Variants in PHKB observed in about 807,000 individuals in gnomAD.
The protein encoded by PHKB is phosphorylase kinase regulatory subunit beta.
A neutral mutation model predicts 152.1 loss-of-function variants in PHKB; 122 were observed. The ratio of observed to expected loss-of-function variants is 0.80; its 90% CI spans 0.69 to 0.93. The LOEUF is 0.93. PHKB is among the 40% of genes least tolerant of loss of function. The pLI is 0.00. For missense variants in PHKB, 1,304 were observed against 1,328.4 expected (o/e 0.98, Z 0.29); for synonymous variants, 436 against 464.9 (o/e 0.94, Z 0.80).
intron 14 of PHKB, among the ~76,000 whole-genome samples, chr16:47,624,658 C>T (rs115717109): frequency 6.2e-4 from 94 of 152,228 alleles, no homozygotes; most frequent in African/African-American, 2.0e-3. Flanking sequence ...ATATTTTGTA[C>T]CTTTCTCTCT....
intron 14 of PHKB, among the ~76,000 whole-genome samples, chr16:47,630,039 AG>A (rs1352644936): frequency 2.4e-5 from 2 of 84,464 alleles, no homozygotes; most frequent in South Asian, 3.8e-4. Context: ...TCGGGGGAGG[AG>A]GGGGGGATGG....
chr16:47,622,067 A>T (rs1386279643), intron 14 of PHKB, among the ~76,000 whole-genome samples: 1 of 152,178 alleles, frequency 6.6e-6, no homozygotes, highest in Non-Finnish European at 1.5e-5. Flanking sequence ...TCATGGCTAA[A>T]ATGTAAAAGA....
chr16:47,555,873 C>A (rs1322589072), intron 7 of PHKB, among the ~76,000 whole-genome samples: 2 of 152,142 alleles, frequency 1.3e-5, no homozygotes, highest in Non-Finnish European at 2.9e-5. Context: ...GGCAGTATGG[C>A]CATTTTCACG....
intron 1 of PHKB, among the ~76,000 whole-genome samples, chr16:47,488,453 A>G (rs1173927596): frequency 6.6e-6 from 1 of 152,142 alleles, no homozygotes; most frequent in Non-Finnish European, 1.5e-5. Context: ...ATTAGGTTCC[A>G]ATTGTCAATT....
intron 6 of PHKB, among the ~76,000 whole-genome samples, chr16:47,545,029 A>G (rs1430306729): frequency 1.3e-5 from 2 of 152,030 alleles, no homozygotes; most frequent in Non-Finnish European, 2.9e-5. Context: ...CATACTGATG[A>G]GTCTTGACTC....
intron 26 of PHKB, among the ~76,000 whole-genome samples, chr16:47,678,399 G>A (rs1233783690): frequency 1.3e-5 from 2 of 152,150 alleles, no homozygotes; most frequent in African/African-American, 2.4e-5. Flanking sequence ...GTGTAAAAGT[G>A]TTCCTCTTTC....
chr16:47,493,773 T>TC (rs1014133218), intron 1 of PHKB, among the ~76,000 whole-genome samples: 1 of 152,216 alleles, frequency 6.6e-6, no homozygotes, highest in Non-Finnish European at 1.5e-5. Context: ...GTTTTTAAAA[T>TC]TACATGTTTT....
chr16:47,655,728 G>C (rs1973324710), intron 20 of PHKB, among the ~76,000 whole-genome samples: 1 of 152,174 alleles, frequency 6.6e-6, no homozygotes, highest in Non-Finnish European at 1.5e-5. Context: ...AAGACCTTAA[G>C]ATATTTCATC....
intron 26 of PHKB, among the ~76,000 whole-genome samples, chr16:47,677,904 T>G (rs987706784): frequency 1.3e-5 from 2 of 149,420 alleles, no homozygotes; most frequent in Non-Finnish European, 3.0e-5. Context: ...TATCTCCTAA[T>G]GCTATCCCTC....
intron 26 of PHKB, among the ~76,000 whole-genome samples, chr16:47,676,974 T>C (rs1323522813): frequency 2.0e-5 from 3 of 152,378 alleles, no homozygotes; most frequent in Non-Finnish European, 4.4e-5. Flanking sequence ...TAAGCAATTA[T>C]GATCCAGACG....
chr16:47,517,024 A>G lies in PHKB; in HGVS notation c.594+1423A>G, dbSNP rs145504212. Among the ~76,000 whole-genome samples the G allele has an allele frequency of 2.4e-3, 360 of 152,320 alleles. 1 individual carries two copies. The highest frequency in any genetic ancestry group is 8.0e-3 in the African/African-American group (334 of 41,572). On this transcript the variant is annotated intron_variant, in intron 6 of 30. Coordinates refer to ENST00000323584, the MANE Select transcript of PHKB (RefSeq NM_000293.3). ...AAAGGAGCTGGGAAACTCCTGTTTT[A>G]GATCAATCTTAAAGAGCATGCCAAT...
chr16:47,569,532 T>C (rs1030670578), intron 7 of PHKB, among the ~76,000 whole-genome samples: 1 of 152,350 alleles, frequency 6.6e-6, no homozygotes, highest in Middle Eastern at 3.4e-3. Flanking sequence ...ATGGAGCTAC[T>C]CTTGCAGTCA....
chr16:47,598,534 A>T, intron 13 of PHKB: 1 of 640,516 alleles, frequency 1.6e-6, no homozygotes, highest in Admixed American at 2.9e-5. Context: ...ACACTCTCCT[A>T]CATATTTTCT....
At position 47,589,618 on chromosome 16, in the gene PHKB, T is replaced by C. The variant is rs530779210; in HGVS notation, c.1068+516T>C. Among the ~76,000 whole-genome samples, 5 of 152,362 alleles carry C rather than the reference T, an allele frequency of 3.3e-5. No homozygotes were observed. The South Asian group carries it at 8.3e-4, about 25-fold the overall frequency. On this transcript the variant is annotated intron_variant, in intron 10 of 30. Coordinates refer to ENST00000323584, the MANE Select transcript of PHKB (RefSeq NM_000293.3). The stretch of plus-strand genomic sequence containing the variant: ...TTCTTTTAAAATATAGTCCTCTAAA[T>C]GTTTAGTTTTAAAATATTTTGTATT...
At chr16:47,699,169 T>G (rs544061327) in intron 30 of PHKB, 60 bp from the exon 31 acceptor site, 400 of 1,531,226 alleles carry the variant, frequency 2.6e-4, no homozygotes, top group Non-Finnish European at 3.4e-4. Flanking sequence ...ACACAGATTT[T>G]ACCTGTCAAC....
chr16:47,560,569 G>A (rs901289950), intron 7 of PHKB, among the ~76,000 whole-genome samples: 12 of 152,188 alleles, frequency 7.9e-5, no homozygotes, highest in Non-Finnish European at 1.8e-4. Context: ...TAAGGACAAG[G>A]AGATCGGTGA....
At chr16:47,577,236 T>C (rs1212075783) in intron 7 of PHKB, among the ~76,000 whole-genome samples, 1 of 152,130 alleles carries the variant, frequency 6.6e-6, no homozygotes, top group Non-Finnish European at 1.5e-5. Context: ...TGTAGTGATG[T>C]CATCATTTTA....
At chr16:47,540,530 G>A (rs1187046830) in intron 6 of PHKB, among the ~76,000 whole-genome samples, 1 of 151,924 alleles carries the variant, frequency 6.6e-6, no homozygotes, top group Non-Finnish European at 1.5e-5. Flanking sequence ...GCTCAAGTGG[G>A]CATCATGGTC....
intron 4 of PHKB, among the ~76,000 whole-genome samples, chr16:47,505,802 A>T (rs1433718001): frequency 6.6e-6 from 1 of 151,132 alleles, no homozygotes; most frequent in Non-Finnish European, 1.5e-5. Flanking sequence ...AGAGGCAGAG[A>T]CGGGTGGATC....
Sources: gnomAD v4.1 joint callset for allele counts (sites outside exome capture counted in the v4.1 genomes callset) on GRCh38, gnomAD v4.1.1 for gene constraint, MANE v1.5 for transcripts, NCBI Gene and HGNC (gene_info 2026-07-23, HGNC 2026-07-21) for gene names.